The following GABRG1 variants were observed in gnomAD, a reference collection of about 807,000 sequenced individuals.
GABRG1 encodes gamma-aminobutyric acid receptor subunit gamma-1.
Under a neutral mutation model 49.8 loss-of-function variants are expected in GABRG1, and 49 were observed. The ratio of observed to expected loss-of-function variants is 0.98; its 90% CI spans 0.78 to 1.25. GABRG1 has a LOEUF of 1.25. GABRG1 is among the 50% of genes most tolerant of loss of function. The pLI, the probability that GABRG1 is intolerant of heterozygous loss-of-function variation, is 0.00. For missense variants in GABRG1, 552 were observed against 552.3 expected (o/e 1.00, Z 0.01); for synonymous variants, 232 against 185.1 (o/e 1.25, Z -2.06).
intron 2 of GABRG1, among the ~76,000 whole-genome samples, chr4:46,092,074 T>C (rs959770540): frequency 1.3e-5 from 2 of 152,038 alleles, no homozygotes; most frequent in Non-Finnish European, 2.9e-5. Context: ...ATTGGAAATA[T>C]TCAAAATGAA....
intron 3 of GABRG1, 72 bp from the exon 4 acceptor site, chr4:46,065,656 T>G: frequency 1.4e-6 from 1 of 732,854 alleles, no homozygotes; most frequent in East Asian, 2.7e-5. Context: ...AAGTTTGAAT[T>G]TTTGTATTGT....
At chr4:46,109,786 G>A (rs566014927) in intron 1 of GABRG1, among the ~76,000 whole-genome samples, 8 of 151,008 alleles carry the variant, frequency 5.3e-5, no homozygotes, top group Admixed American at 3.3e-4. Context: ...AGGCATTCTG[G>A]GGCAAGTTGT....
chr4:46,091,380 A>G (rs1259432589), intron 2 of GABRG1, among the ~76,000 whole-genome samples: 5 of 152,128 alleles, frequency 3.3e-5, no homozygotes, highest in African/African-American at 1.2e-4. Context: ...CTCGCATTCA[A>G]CACAAAATTA....
At chr4:46,084,963 T>A (rs1221387372) in intron 2 of GABRG1, among the ~76,000 whole-genome samples, 1 of 151,596 alleles carries the variant, frequency 6.6e-6, no homozygotes, top group Non-Finnish European at 1.5e-5. Context: ...TACAGAATGA[T>A]TTTCATGAAA....
In GABRG1 at chr4:46,050,705, A is replaced by C. The variant is rs555941908; in HGVS notation, c.1131+719T>G. ...AAAAGGATCCAGGTCTGAGTCTTGG[A>C]TCTTTCGCTTACTGAGGCTGTTCTT... On this transcript the variant is annotated intron_variant, in intron 8 of 8. Coordinates refer to ENST00000295452, the MANE Select transcript of GABRG1 (RefSeq NM_173536.4). 3.2e-3 allele frequency among the ~76,000 whole-genome samples: 487 copies of C among 151,908 alleles called. 3 individuals carry two copies. Among genetic ancestry groups the C allele is most frequent in the African/African-American group, 0.011 (460 of 41,518 alleles).
Position 46,113,427 on chromosome 4 carries a change from C to G in GABRG1, c.104+10383G>C, listed in dbSNP as rs1333210169. ...TGAGAACAGCATAGGGGTAACTGCC[C>G]CCATGATTCAATTACATTCACCTGG... On this transcript the variant is annotated intron_variant, in intron 1 of 8. Transcript: ENST00000295452. Among the ~76,000 whole-genome samples the G allele has an allele frequency of 4.0e-5, 6 of 150,848 alleles. No individual in the cohort carries two copies. The Admixed American group carries it at 4.0e-4, about 10-fold the overall frequency.
chr4:46,071,009 A>G (rs1008133036), intron 3 of GABRG1, among the ~76,000 whole-genome samples: 3 of 152,082 alleles, frequency 2.0e-5, no homozygotes, highest in African/African-American at 7.2e-5. Context: ...ATGATGTACA[A>G]CGTTGGTACC....
At chr4:46,043,909 T>A (rs1239255504) in intron 8 of GABRG1, among the ~76,000 whole-genome samples, 1 of 151,922 alleles carries the variant, frequency 6.6e-6, no homozygotes, top group Non-Finnish European at 1.5e-5. Context: ...TGGGAAGTGA[T>A]AAATAAATCA....
chr4:46,073,543 G>A (rs1719217989), intron 3 of GABRG1, among the ~76,000 whole-genome samples: 1 of 151,814 alleles, frequency 6.6e-6, no homozygotes, highest in Non-Finnish European at 1.5e-5. Context: ...TATCACTGTG[G>A]GTTATTTGGA....
chr4:46,111,170 G>A (rs748908063), intron 1 of GABRG1, among the ~76,000 whole-genome samples: 2 of 150,994 alleles, frequency 1.3e-5, no homozygotes, highest in Non-Finnish European at 3.0e-5. Context: ...CAAAATCAAT[G>A]TTTAAAACTC....
intron 2 of GABRG1, among the ~76,000 whole-genome samples, chr4:46,086,383 A>C (rs1324479457): frequency 6.6e-6 from 1 of 151,732 alleles, no homozygotes; most frequent in African/African-American, 2.4e-5. Context: ...TCAGTGAGAA[A>C]ATATAAACTA....
chr4:46,043,280 T>TA (rs992569806), intron 8 of GABRG1, among the ~76,000 whole-genome samples: 1 of 151,876 alleles, frequency 6.6e-6, no homozygotes, highest in South Asian at 2.1e-4. Flanking sequence ...GGGGTTTATT[T>TA]AAAAAATGAA....
Position 46,058,460 on chromosome 4 carries a change from T to A in GABRG1, c.763+25A>T, listed in dbSNP as rs1205749612. The A allele has an allele frequency of 2.5e-6, 4 of 1,608,064 alleles. No individual in the cohort carries two copies. The African/African-American group carries it at 5.4e-5, about 22-fold the overall frequency. The stretch of plus-strand genomic sequence containing the variant: ...AAATGTCATTTAATGCTAGCATCAT[T>A]TCACTATTTGAGTATTCTTTTTACC... On this transcript the variant is annotated intron_variant, in intron 6 of 8. Coordinates refer to ENST00000295452, the MANE Select transcript of GABRG1 (RefSeq NM_173536.4).
At chr4:46,073,196 C>T (rs1177031204) in intron 3 of GABRG1, among the ~76,000 whole-genome samples, 1 of 151,972 alleles carries the variant, frequency 6.6e-6, no homozygotes, top group Admixed American at 6.6e-5. Context: ...ATTCCCTTCA[C>T]AATATTTTCA....
intron 7 of GABRG1, among the ~76,000 whole-genome samples, chr4:46,053,340 A>G (rs1250106528): frequency 6.6e-6 from 1 of 151,932 alleles, no homozygotes; most frequent in Non-Finnish European, 1.5e-5. Flanking sequence ...ATAAATATCA[A>G]TCAGGTAAAG....
In GABRG1 at chr4:46,064,461, C is replaced by A; in HGVS notation, c.605G>T (p.Cys202Phe). ...LHNFPMDEHS[C>F]PLEFSSYGYP... ...CTTACAGCTTGAAAATTCCAGTGGACAGGAATGTTCATCCATGGGAAAGTT... is the reference window on the plus strand; with the variant it reads ...CTTACAGCTTGAAAATTCCAGTGGAAAGGAATGTTCATCCATGGGAAAGTT... Residue 202 changes from cysteine to phenylalanine, a missense_variant, in exon 5 of 9, where the codon TGT becomes TTT. Cys to Phe is a radical substitution (Grantham distance 205). Coordinates refer to ENST00000295452, the MANE Select transcript of GABRG1 (RefSeq NM_173536.4). 5 of 1,539,192 alleles carry A rather than the reference C, an allele frequency of 3.2e-6. No individual in the cohort carries two copies. Among genetic ancestry groups the A allele is most frequent in the Non-Finnish European group, 4.4e-6 (5 of 1,143,304 alleles).
chr4:46,058,841 T>C (rs1718558635), intron 5 of GABRG1, among the ~76,000 whole-genome samples: 1 of 152,008 alleles, frequency 6.6e-6, no homozygotes, highest in South Asian at 2.1e-4. Flanking sequence ...ACTTAAGAAA[T>C]AGAAACTTGC....
At chr4:46,116,952 G>A (rs1268265141) in intron 1 of GABRG1, among the ~76,000 whole-genome samples, 1 of 150,336 alleles carries the variant, frequency 6.7e-6, no homozygotes, top group Admixed American at 6.7e-5. Context: ...ACACGTGCTG[G>A]AAAATTAATA....
At chr4:46,064,829 T>C (rs1296322882) in intron 4 of GABRG1, among the ~76,000 whole-genome samples, 5 of 152,134 alleles carry the variant, frequency 3.3e-5, no homozygotes, top group Admixed American at 2.0e-4. Flanking sequence ...TATGCAAACA[T>C]AGCAGATTAA....
Sources: allele counts gnomAD v4.1 joint callset (sites outside exome capture counted in the v4.1 genomes callset), GRCh38; gene constraint gnomAD v4.1.1; transcripts MANE v1.5; gene names NCBI Gene and HGNC (gene_info 2026-07-23, HGNC 2026-07-21).